The following BLTP3A variants were observed in gnomAD, a reference collection of about 807,000 sequenced individuals.
The protein encoded by BLTP3A is bridge-like lipid transfer protein family member 3A, also known as ICBP90 binding protein 1.
At chr6:34,834,768 AGAT>A in the BLTP3A span, 4 of 1,614,082 alleles carry the variant, frequency 2.5e-6, no homozygotes, top group Non-Finnish European at 3.4e-6. Context: ...GAATTGAGGC[AGAT>A]GCTACAGACA....
chr6:34,837,888 T>C, the BLTP3A span, among the ~76,000 whole-genome samples: 3 of 152,158 alleles, frequency 2.0e-5, no homozygotes, highest in African/African-American at 7.2e-5. Context: ...TATTTTTTGG[T>C]TTGATTGTTT....
the BLTP3A span, chr6:34,859,398 T>G: frequency 6.2e-7 from 1 of 1,614,062 alleles, no homozygotes; most frequent in Non-Finnish European, 8.5e-7. Context: ...TGAAGAACAT[T>G]GAGGGAGAAT....
the BLTP3A span, chr6:34,822,091 G>A: frequency 2.4e-4 from 255 of 1,056,430 alleles, 1 homozygote; most frequent in African/African-American, 3.8e-3. Flanking sequence ...GCTTCTCTCT[G>A]AGACAGTGTG....
the BLTP3A span, among the ~76,000 whole-genome samples, chr6:34,794,790 G>GTT: frequency 1.4e-5 from 2 of 145,572 alleles, no homozygotes; most frequent in Non-Finnish European, 1.5e-5. Context: ...GAGTTTTTTT[G>GTT]TTTTTTTTTT....
chr6:34,871,152 C>T, the BLTP3A span: 32 of 1,586,934 alleles, frequency 2.0e-5, 1 homozygote, highest in South Asian at 3.5e-4. Context: ...AATGTAAGGG[C>T]ACATTGGTTT....
the BLTP3A span, chr6:34,792,363 C>T: frequency 1.4e-6 from 2 of 1,397,306 alleles, no homozygotes; most frequent in Non-Finnish European, 1.9e-6. Flanking sequence ...TCCTCCCTGA[C>T]GCCGCGCTCC....
the BLTP3A span, among the ~76,000 whole-genome samples, chr6:34,795,512 C>T: frequency 4.5e-3 from 680 of 151,644 alleles, 6 homozygotes; most frequent in Middle Eastern, 0.027. Flanking sequence ...ATTCTCCTGT[C>T]TTGCCCTCCC....
At chr6:34,867,637 A>G in the BLTP3A span, 2 of 1,606,508 alleles carry the variant, frequency 1.2e-6, no homozygotes, top group South Asian at 2.2e-5. Context: ...TAGTCATTCC[A>G]CGACAGATCA....
the BLTP3A span, chr6:34,792,306 A>C: frequency 1.3e-5 from 20 of 1,540,766 alleles, no homozygotes; most frequent in Admixed American, 3.8e-4. Context: ...TGAGAGCGCC[A>C]GCGCCGGCCC....
chr6:34,873,613 C>T, the BLTP3A span: 1 of 152,148 alleles, frequency 6.6e-6, no homozygotes, highest in Non-Finnish European at 1.5e-5. Context: ...AACACCATCC[C>T]TTCATTCATA....
At chr6:34,810,268 C>T in the BLTP3A span, among the ~76,000 whole-genome samples, 1 of 152,162 alleles carries the variant, frequency 6.6e-6, no homozygotes, top group African/African-American at 2.4e-5. Flanking sequence ...TTGCACTAAG[C>T]ATCATGAATA....
the BLTP3A span, among the ~76,000 whole-genome samples, chr6:34,850,207 A>C: frequency 6.6e-6 from 1 of 151,958 alleles, no homozygotes. Context: ...CTCTGCTAGC[A>C]GACTGAGAAG....
At chr6:34,792,329 G>T in the BLTP3A span, 2 of 1,530,994 alleles carry the variant, frequency 1.3e-6, no homozygotes, top group Non-Finnish European at 1.8e-6. Flanking sequence ...GGCGGTCCTG[G>T]GCCCTTCCTA....
chr6:34,812,738 G>A, the BLTP3A span, among the ~76,000 whole-genome samples: 1 of 152,054 alleles, frequency 6.6e-6, no homozygotes, highest in Non-Finnish European at 1.5e-5. Flanking sequence ...ATAGGTGTGA[G>A]CCACTGCACC....
the BLTP3A span, among the ~76,000 whole-genome samples, chr6:34,853,121 G>GTAT: frequency 6.6e-6 from 1 of 152,102 alleles, no homozygotes; most frequent in Non-Finnish European, 1.5e-5. Context: ...GTTAAAACTG[G>GTAT]GTACTGTGAT....
At chr6:34,838,358 A>C in the BLTP3A span, among the ~76,000 whole-genome samples, 1 of 152,356 alleles carries the variant, frequency 6.6e-6, no homozygotes, top group Non-Finnish European at 1.5e-5. Context: ...CATGAATGAG[A>C]TGAAAGATGA....
the BLTP3A span, chr6:34,821,826 G>A: frequency 6.2e-7 from 1 of 1,614,074 alleles, no homozygotes; most frequent in South Asian, 1.1e-5. Flanking sequence ...GTGAGAATGA[G>A]GGTCAGAATG....
At chr6:34,860,203 C>A in the BLTP3A span, among the ~76,000 whole-genome samples, 1 of 152,010 alleles carries the variant, frequency 6.6e-6, no homozygotes, top group East Asian at 1.9e-4. Context: ...GGAAGAATTT[C>A]ATCCATTCAG....
At chr6:34,823,779 C>T in the BLTP3A span, among the ~76,000 whole-genome samples, 3 of 150,800 alleles carry the variant, frequency 2.0e-5, no homozygotes, top group African/African-American at 7.3e-5. Context: ...AAGCGATCCT[C>T]CCACCTCAGC....
Sources: allele counts gnomAD v4.1 joint callset (sites outside exome capture counted in the v4.1 genomes callset), GRCh38; gene constraint gnomAD v4.1.1; transcripts MANE v1.5; gene names NCBI Gene and HGNC (gene_info 2026-07-23, HGNC 2026-07-21).